The following ANO10 variants were observed in gnomAD, a reference collection of about 807,000 sequenced individuals.
ANO10 encodes anoctamin-10.
ANO10 carries 77 observed loss-of-function variants against 74.7 expected under a neutral mutation model. That is an observed-to-expected ratio of 1.03 (90% CI 0.86 to 1.25). The LOEUF (loss-of-function observed/expected upper bound fraction) is 1.25, where lower values mean the gene tolerates loss of function less well. ANO10 is among the 50% of genes most tolerant of loss of function. The pLI is 0.00. For missense variants in ANO10, 721 were observed against 778.1 expected (o/e 0.93, Z 0.87); for synonymous variants, 279 against 284.9 (o/e 0.98, Z 0.21).
At chr3:43,547,889 T>C (rs1447323641) in intron 11 of ANO10, among the ~76,000 whole-genome samples, 7 of 152,168 alleles carry the variant, frequency 4.6e-5, no homozygotes, top group Admixed American at 4.6e-4. Flanking sequence ...AAAATCAAGA[T>C]GTAGACTGTA....
At chr3:43,470,691 A>G (rs931619646) in intron 11 of ANO10, among the ~76,000 whole-genome samples, 8 of 151,622 alleles carry the variant, frequency 5.3e-5, no homozygotes, top group Non-Finnish European at 8.8e-5. Flanking sequence ...CAGTAATGCA[A>G]TCTTGGCATA....
chr3:43,382,387 C>T (rs561142615), intron 12 of ANO10, among the ~76,000 whole-genome samples: 91 of 151,818 alleles, frequency 6.0e-4, no homozygotes, highest in African/African-American at 2.0e-3. Flanking sequence ...GGCGTGGTAG[C>T]GGGCGCCTGT....
chr3:43,549,429 T>C (rs547881696), intron 11 of ANO10, among the ~76,000 whole-genome samples: 4 of 152,276 alleles, frequency 2.6e-5, no homozygotes, highest in Admixed American at 1.3e-4. Flanking sequence ...ACGTGAGCCA[T>C]GGCACCTGAT....
At chr3:43,643,066 C>G (rs532324379) in intron 1 of ANO10, among the ~76,000 whole-genome samples, 4 of 149,356 alleles carry the variant, frequency 2.7e-5, no homozygotes, top group Non-Finnish European at 4.4e-5. Flanking sequence ...GAGTCTTGCT[C>G]TGTTGCCCAG....
At chr3:43,608,552 A>G (rs1162007029) in intron 1 of ANO10, among the ~76,000 whole-genome samples, 1 of 152,106 alleles carries the variant, frequency 6.6e-6, no homozygotes, top group African/African-American at 2.4e-5. Context: ...AGCTTCAGGT[A>G]TAAGCCACTG....
In ANO10 at chr3:43,567,869, A is replaced by G. The variant is rs560753622; in HGVS notation, c.1219-2142T>C. Among the ~76,000 whole-genome samples the G allele has an allele frequency of 1.8e-3, 278 of 152,322 alleles. 1 individual carries two copies. The highest frequency in any genetic ancestry group is 6.4e-3 in the African/African-American group (264 of 41,566). Reference sequence around the variant, plus strand: ...AAATGTAAATGGACTAAATGCTCCAATTAAAAGACACAGACGGGCAAACTG... The same window carrying G: ...AAATGTAAATGGACTAAATGCTCCAGTTAAAAGACACAGACGGGCAAACTG... On this transcript the variant is annotated intron_variant, in intron 7 of 12. Transcript: ENST00000292246.
chr3:43,589,195 A>G (rs1375686753), intron 4 of ANO10, among the ~76,000 whole-genome samples: 1 of 147,822 alleles, frequency 6.8e-6, no homozygotes, highest in African/African-American at 2.4e-5. Flanking sequence ...CGGTTGCCAT[A>G]TTTATAATGT....
chr3:43,489,459 T>A (rs1020594128), intron 11 of ANO10, among the ~76,000 whole-genome samples: 13 of 152,278 alleles, frequency 8.5e-5, no homozygotes, highest in African/African-American at 2.4e-4. Context: ...AAAGTTCCCA[T>A]GTACACGTTA....
chr3:43,536,794 CT>C (rs1294305489), intron 11 of ANO10, among the ~76,000 whole-genome samples: 1 of 152,018 alleles, frequency 6.6e-6, no homozygotes, highest in Non-Finnish European at 1.5e-5. Flanking sequence ...AAAAAATCTA[CT>C]TTTTTCATCT....
intron 4 of ANO10, among the ~76,000 whole-genome samples, chr3:43,585,963 G>T (rs150359259): frequency 2.6e-4 from 40 of 152,286 alleles, no homozygotes; most frequent in South Asian, 1.5e-3. Flanking sequence ...TAACTTTGAT[G>T]CAAGTATGAA....
chr3:43,582,420 C>T (rs533580492), intron 4 of ANO10, among the ~76,000 whole-genome samples: 3 of 152,098 alleles, frequency 2.0e-5, no homozygotes, highest in Non-Finnish European at 4.4e-5. Context: ...GCACTCCAGC[C>T]TGGGTGACAG....
chr3:43,660,191 T>C (rs1275315250), intron 1 of ANO10, among the ~76,000 whole-genome samples: 1 of 152,078 alleles, frequency 6.6e-6, no homozygotes, highest in African/African-American at 2.4e-5. Context: ...GACTCTTCTG[T>C]TCCAAAGGAA....
chr3:43,635,989 T>A (rs2083605206), intron 1 of ANO10, among the ~76,000 whole-genome samples: 1 of 151,658 alleles, frequency 6.6e-6, no homozygotes, highest in Non-Finnish European at 1.5e-5. Flanking sequence ...TGAATTCTTA[T>A]ATGGTGAATC....
intron 11 of ANO10, among the ~76,000 whole-genome samples, chr3:43,461,356 A>G (rs951491093): frequency 6.6e-6 from 1 of 152,368 alleles, no homozygotes; most frequent in East Asian, 1.9e-4. Flanking sequence ...TCTATTAAAG[A>G]TATTGAATTC....
chr3:43,510,970 G>A (rs973870482), intron 11 of ANO10, among the ~76,000 whole-genome samples: 4 of 152,116 alleles, frequency 2.6e-5, no homozygotes, highest in African/African-American at 9.7e-5. Flanking sequence ...TTCTCAAGGT[G>A]TCAAAAATTA....
At chr3:43,671,927 T>A (rs532551588) in intron 1 of ANO10, among the ~76,000 whole-genome samples, 5 of 152,294 alleles carry the variant, frequency 3.3e-5, no homozygotes, top group Non-Finnish European at 7.4e-5. Flanking sequence ...AATTTAGCTA[T>A]TACATACATT....
intron 12 of ANO10, among the ~76,000 whole-genome samples, chr3:43,377,759 C>T (rs1456189345): frequency 6.6e-6 from 1 of 152,200 alleles, no homozygotes. Context: ...CCGCAGGCTC[C>T]TTCAGTGAAA....
intron 4 of ANO10, among the ~76,000 whole-genome samples, chr3:43,596,889 T>G (rs1355968133): frequency 6.6e-6 from 1 of 152,152 alleles, no homozygotes; most frequent in East Asian, 1.9e-4. Flanking sequence ...ATATCCAGAA[T>G]CTACAAAGAA....
At chr3:43,449,566 T>C (rs1407789052) in intron 11 of ANO10, among the ~76,000 whole-genome samples, 1 of 149,372 alleles carries the variant, frequency 6.7e-6, no homozygotes, top group African/African-American at 2.5e-5. Context: ...ACAGCACCCT[T>C]TGTTGAAAGG....
Sources: allele counts gnomAD v4.1 joint callset (sites outside exome capture counted in the v4.1 genomes callset), GRCh38; gene constraint gnomAD v4.1.1; transcripts MANE v1.5; gene names NCBI Gene and HGNC (gene_info 2026-07-23, HGNC 2026-07-21).